Variants in SLC36A1 observed in about 807,000 individuals in gnomAD.
SLC36A1 encodes the protein solute carrier family 36 member 1, also known as proton-coupled amino acid transporter 1.
In SLC36A1, 30 loss-of-function variants were observed where a neutral mutation model predicts 47.5. The observed-to-expected ratio is 0.63, with a 90% CI of 0.47 to 0.86. The LOEUF (loss-of-function observed/expected upper bound fraction) is 0.86. Ranked by LOEUF, SLC36A1 falls within the 40% of genes least tolerant of loss-of-function variation. The pLI, the probability that SLC36A1 is intolerant of heterozygous loss-of-function variation, is 0.00. For synonymous variants in SLC36A1, 255 were observed against 249.7 expected, an observed-to-expected ratio of 1.02 and a Z score of -0.20; for missense variants, 517 against 606.0, an observed-to-expected ratio of 0.85 and a Z score of 1.54.
At chr5:151,388,589 T>C in the SLC36A1 span, among the ~76,000 whole-genome samples, 1 of 151,796 alleles carries the variant, frequency 6.6e-6, no homozygotes, top group Non-Finnish European at 1.5e-5. Flanking sequence ...TCAACCACCT[T>C]GGACACATGT....
the SLC36A1 span, among the ~76,000 whole-genome samples, chr5:151,376,007 C>G: frequency 1.3e-5 from 2 of 152,112 alleles, no homozygotes; most frequent in African/African-American, 4.8e-5. Context: ...CCTGATTGCT[C>G]TGGCAAGGAC....
the SLC36A1 span, chr5:151,542,635 TG>T: frequency 6.2e-7 from 1 of 1,614,232 alleles, no homozygotes; most frequent in Non-Finnish European, 8.5e-7. Context: ...GTAGCTCACC[TG>T]GCCATCTCTC....
the SLC36A1 span, among the ~76,000 whole-genome samples, chr5:151,370,603 A>T: frequency 1.3e-5 from 2 of 152,256 alleles, no homozygotes. Context: ...TATTGGAAAC[A>T]AATTCAGTAT....
At chr5:151,391,861 T>C in the SLC36A1 span, among the ~76,000 whole-genome samples, 2 of 152,168 alleles carry the variant, frequency 1.3e-5, no homozygotes, top group African/African-American at 2.4e-5. Flanking sequence ...GTCTAAAATT[T>C]TCTTTTTTTG....
chr5:151,546,986 T>C, the SLC36A1 span, among the ~76,000 whole-genome samples: 1 of 152,230 alleles, frequency 6.6e-6, no homozygotes, highest in Non-Finnish European at 1.5e-5. Context: ...ACTCTAGGCA[T>C]TCTCACATCA....
At chr5:151,398,397 T>C in the SLC36A1 span, among the ~76,000 whole-genome samples, 223 of 152,338 alleles carry the variant, frequency 1.5e-3, 1 homozygote, top group Non-Finnish European at 2.0e-3. Context: ...GTGTGCGGGC[T>C]GAAATATAAT....
chr5:151,447,878 CG>C (rs1753056100), intron 1 of SLC36A1, 65 bp downstream of exon 1: 1 of 152,308 alleles, frequency 6.6e-6, no homozygotes, highest in African/African-American at 2.4e-5. Flanking sequence ...GCCGCAGCTG[CG>C]GTACGACGCT....
the SLC36A1 span, among the ~76,000 whole-genome samples, chr5:151,390,975 C>T: frequency 3.3e-5 from 5 of 152,068 alleles, no homozygotes; most frequent in African/African-American, 1.2e-4. Flanking sequence ...GGGGATGGCA[C>T]TGAATCTATA....
At chr5:151,366,170 C>T in the SLC36A1 span, among the ~76,000 whole-genome samples, 2 of 152,056 alleles carry the variant, frequency 1.3e-5, no homozygotes, top group African/African-American at 2.4e-5. Flanking sequence ...GTTGAGGCTC[C>T]CAAGGGGAAG....
chr5:151,421,414 G>A, the SLC36A1 span, among the ~76,000 whole-genome samples: 3 of 149,922 alleles, frequency 2.0e-5, no homozygotes, highest in Admixed American at 2.0e-4. Flanking sequence ...GCTAGTTCTT[G>A]TATTTTTTTG....
At chr5:151,554,641 C>T in the SLC36A1 span, 18 of 1,613,972 alleles carry the variant, frequency 1.1e-5, no homozygotes, top group Non-Finnish European at 1.4e-5. Context: ...AGGTGGACTT[C>T]AGTGAGGGTT....
At chr5:151,356,387 T>C in the SLC36A1 span, among the ~76,000 whole-genome samples, 1 of 134,686 alleles carries the variant, frequency 7.4e-6, no homozygotes, top group African/African-American at 2.7e-5. Flanking sequence ...GATAAAGTGC[T>C]AGAAGAAAAG....
chr5:151,521,258 G>C, the SLC36A1 span: 1 of 1,581,464 alleles, frequency 6.3e-7, no homozygotes, highest in Non-Finnish European at 8.6e-7. Flanking sequence ...TCGTCCCTAG[G>C]GAAGATGTAG....
At chr5:151,391,100 G>A in the SLC36A1 span, among the ~76,000 whole-genome samples, 1 of 152,052 alleles carries the variant, frequency 6.6e-6, no homozygotes, top group African/African-American at 2.4e-5. Context: ...GTGGTTTGTA[G>A]TTCTCCTTGA....
At chr5:151,531,699 A>G in the SLC36A1 span, 1 of 1,613,764 alleles carries the variant, frequency 6.2e-7, no homozygotes. The surrounding 1 kb of genome is among the most constrained non-coding windows in gnomAD (Gnocchi z 5.7). Context: ...CCTCCGTGCC[A>G]GGTGGGGCGT....
At chr5:151,546,492 A>G in the SLC36A1 span, among the ~76,000 whole-genome samples, 1 of 152,328 alleles carries the variant, frequency 6.6e-6, no homozygotes, top group South Asian at 2.1e-4. Context: ...TAGAGTAGAT[A>G]CTTTATAAAA....
At chr5:151,485,290 A>G (rs1343566061) in intron 10 of SLC36A1, among the ~76,000 whole-genome samples, 1 of 152,232 alleles carries the variant, frequency 6.6e-6, no homozygotes, top group African/African-American at 2.4e-5. Flanking sequence ...TAATAGAAGA[A>G]GGAAAGATGA....
intron 1 of SLC36A1, among the ~76,000 whole-genome samples, chr5:151,439,668 GA>G (rs202220864): frequency 0.022 from 2,922 of 133,340 alleles, 86 homozygotes; most frequent in African/African-American, 0.06. Flanking sequence ...AAAAAGAAAA[GA>G]AAAAAAAAAA....
chr5:151,531,914 T>C, the SLC36A1 span: 1 of 1,614,118 alleles, frequency 6.2e-7, no homozygotes, highest in Non-Finnish European at 8.5e-7. This position sits in a 1 kb window ranked among gnomAD's most constrained non-coding sequence, Gnocchi z 5.7. Flanking sequence ...GTGGCGTCGA[T>C]GGAAAAGTGG....
Sources: allele counts gnomAD v4.1 joint callset (sites outside exome capture counted in the v4.1 genomes callset), GRCh38; gene constraint gnomAD v4.1.1; non-coding constraint Gnocchi (gnomAD v3.1); transcripts MANE v1.5; gene names NCBI Gene and HGNC (gene_info 2026-07-23, HGNC 2026-07-21).